DVL3: variants seen among roughly 807,000 people sequenced by gnomAD.
DVL3 encodes segment polarity protein dishevelled homolog DVL-3.
A neutral mutation model predicts 67.4 loss-of-function variants in DVL3; 27 were observed. The ratio of observed to expected loss-of-function variants is 0.40; its 90% CI spans 0.30 to 0.55. The LOEUF (loss-of-function observed/expected upper bound fraction) is 0.55, where lower values mean the gene tolerates loss of function less well. DVL3 is among the 20% of genes least tolerant of loss of function. The pLI is 0.46. For synonymous variants in DVL3, 369 were observed against 396.8 expected (o/e 0.93, Z 0.83); for missense variants, 819 against 1,021.5 (o/e 0.80, Z 2.70).
intron 1 of DVL3, among the ~76,000 whole-genome samples, chr3:184,162,594 C>G (rs1385751527): frequency 7.2e-6 from 1 of 138,394 alleles, no homozygotes; most frequent in East Asian, 2.1e-4. Flanking sequence ...GAGTCTCACT[C>G]TGTTGCCCAG....
At chr3:184,168,553 A>G (rs975757208) in intron 13 of DVL3, among the ~76,000 whole-genome samples, 9 of 151,998 alleles carry the variant, frequency 5.9e-5, no homozygotes, top group African/African-American at 1.9e-4. Context: ...GCTTTCCTCC[A>G]CCACCACTCC....
chr3:184,171,361 A>G lies in DVL3; in HGVS notation c.*606A>G. 2.0e-6 allele frequency: 2 copies of G among 1,001,950 alleles called. No individual in the cohort carries two copies. The highest frequency in any genetic ancestry group is 2.4e-6 in the Non-Finnish European group (2 of 841,096). The allele number at this position is 1,001,950 out of a possible 1,614,324, so 62.1% of individuals were successfully genotyped here. A position where few individuals can be genotyped will look rare whatever the true frequency, so the allele number is the denominator to read the frequency against. On this transcript the variant is annotated 3_prime_UTR_variant, in exon 15 of 15. Coordinates refer to ENST00000313143, the MANE Select transcript of DVL3 (RefSeq NM_004423.4). ...TGCCATCCCTGCCTGTGCCTAGATC[A>G]GAGGCCCAGAGGGCCCCCTCAGTTG...
In DVL3 at chr3:184,164,469, C is replaced by T. The variant is rs1714493764; in HGVS notation, c.354-23C>T. ...AGGGAGCCCCCAGCCTGCCCCCTCC[C>T]CCATCAAGTCTCTTCCCTGCAGCCC... On this transcript the variant is annotated intron_variant, in intron 3 of 14. Transcript: ENST00000313143. The surrounding 1 kb of genome is among the most constrained non-coding windows in gnomAD (Gnocchi z 5.3). 6.2e-7 allele frequency: 1 copy of T among 1,600,778 alleles called. No individual in the cohort carries two copies. Among genetic ancestry groups the T allele is most frequent in the Middle Eastern group, 1.7e-4 (1 of 5,976 alleles).
rs1221482879 is a variant in DVL3 at position 184,170,924 on chromosome 3, C to A, written c.*169C>A. On this transcript the variant is annotated 3_prime_UTR_variant, in exon 15 of 15. Coordinates refer to ENST00000313143, the MANE Select transcript of DVL3 (RefSeq NM_004423.4). This position sits in a 1 kb window ranked among gnomAD's most constrained non-coding sequence, Gnocchi z 6.5. Reference sequence around the variant, plus strand: ...TGCTGCGAGGGTGGGGTGCACCTACCGATTGGCTCTGCAGCCCCCTAACCT... The same window carrying A: ...TGCTGCGAGGGTGGGGTGCACCTACAGATTGGCTCTGCAGCCCCCTAACCT... 6.5e-7 allele frequency: 1 copy of A among 1,540,752 alleles called. No homozygotes were observed. Among genetic ancestry groups the A allele is most frequent in the Non-Finnish European group, 8.7e-7 (1 of 1,145,126 alleles).
In DVL3 at chr3:184,167,457, A is replaced by G; in HGVS notation, c.1199-123A>G. 1 of 940,810 alleles carries G rather than the reference A, an allele frequency of 1.1e-6. No homozygotes were observed. The allele number at this position is 940,810 out of a possible 1,614,324, so 58.3% of individuals were successfully genotyped here. On this transcript the variant is annotated intron_variant, in intron 11 of 14. Coordinates refer to ENST00000313143, the MANE Select transcript of DVL3 (RefSeq NM_004423.4). This position sits in a 1 kb window ranked among gnomAD's most constrained non-coding sequence, Gnocchi z 4.6. ...TACAGAAGGGGAAACTGAGTGTCCA[A>G]GAAATCAGTAATTTTCCCAGCATTG...
At chr3:184,161,552 A>T (rs1368846469) in intron 1 of DVL3, among the ~76,000 whole-genome samples, 2 of 151,668 alleles carry the variant, frequency 1.3e-5, no homozygotes, top group Non-Finnish European at 1.5e-5. Flanking sequence ...CCATCTCTGT[A>T]CTCCTGGCAT....
chr3:184,156,437 C>T (rs927208294), intron 1 of DVL3: 1 of 456,754 alleles, frequency 2.2e-6, no homozygotes. Flanking sequence ...GAGTAGTCCT[C>T]ACTGACCCAG....
At position 184,164,127 on chromosome 3, in the gene DVL3, A is replaced by C; in HGVS notation, c.232-140A>C. On this transcript the variant is annotated intron_variant, in intron 2 of 14. Coordinates refer to ENST00000313143, the MANE Select transcript of DVL3 (RefSeq NM_004423.4). The surrounding 1 kb of genome is among the most constrained non-coding windows in gnomAD (Gnocchi z 5.3). ...AGAGGGGCCACTGTTCATCTCAGCCACCCTCGCACAGCCCTGTCTTTTCTC... is the reference window on the plus strand; with the variant it reads ...AGAGGGGCCACTGTTCATCTCAGCCCCCCTCGCACAGCCCTGTCTTTTCTC... 9.5e-7 allele frequency: 1 copy of C among 1,050,182 alleles called. No individual in the cohort carries two copies. The highest frequency in any genetic ancestry group is 1.4e-6 in the Non-Finnish European group (1 of 710,940). 65.1% of individuals were successfully genotyped at this position (1,050,182 alleles called of 1,614,324 possible).
At position 184,170,884 on chromosome 3, in the gene DVL3, T is replaced by A; in HGVS notation, c.*129T>A. On this transcript the variant is annotated 3_prime_UTR_variant, in exon 15 of 15. Coordinates refer to ENST00000313143, the MANE Select transcript of DVL3 (RefSeq NM_004423.4). The surrounding 1 kb of genome is among the most constrained non-coding windows in gnomAD (Gnocchi z 6.5). Reference sequence around the variant, plus strand: ...TAAAAGGAACTAAATCCAGGTGCGCTAACTGCTCGCAGGGTGCTGCGAGGG... The same window carrying A: ...TAAAAGGAACTAAATCCAGGTGCGCAAACTGCTCGCAGGGTGCTGCGAGGG... 1 of 1,547,916 alleles carries A rather than the reference T, an allele frequency of 6.5e-7. No individual in the cohort carries two copies. The highest frequency in any genetic ancestry group is 8.7e-7 in the Non-Finnish European group (1 of 1,146,114).
chr3:184,169,254 ATTAGT>A (rs1462179512), intron 13 of DVL3, among the ~76,000 whole-genome samples: 13 of 152,336 alleles, frequency 8.5e-5, no homozygotes, highest in Non-Finnish European at 1.2e-4. Flanking sequence ...GTCTGTTCTG[ATTAGT>A]TTAGGCTGAG....
chr3:184,162,877 G>A (rs1335028195), intron 1 of DVL3, among the ~76,000 whole-genome samples: 1 of 152,320 alleles, frequency 6.6e-6, no homozygotes, highest in Non-Finnish European at 1.5e-5. Flanking sequence ...ATGTGGTCAC[G>A]GGGCATGTAG....
Position 184,163,278 on chromosome 3 carries a change from T to C in DVL3, c.162-379T>C, listed in dbSNP as rs1198027244. Among the ~76,000 whole-genome samples the C allele has an allele frequency of 6.6e-6, 1 of 152,204 alleles. No homozygotes were observed. The highest frequency in any genetic ancestry group is 1.5e-5 in the Non-Finnish European group (1 of 68,036). ...CCACTTAAGAAAGGAAGGACAGTTATAATTGTATGCTTTTTTCCAATTAGG... is the reference window on the plus strand; with the variant it reads ...CCACTTAAGAAAGGAAGGACAGTTACAATTGTATGCTTTTTTCCAATTAGG... On this transcript the variant is annotated intron_variant, in intron 1 of 14. Coordinates refer to ENST00000313143, the MANE Select transcript of DVL3 (RefSeq NM_004423.4). This position sits in a 1 kb window ranked among gnomAD's most constrained non-coding sequence, Gnocchi z 4.5.
Position 184,170,902 on chromosome 3 carries a change from T to C in DVL3, c.*147T>C. 2 of 1,545,908 alleles carry C rather than the reference T, an allele frequency of 1.3e-6. No homozygotes were observed. The highest frequency in any genetic ancestry group is 1.7e-6 in the Non-Finnish European group (2 of 1,145,988). ...GGTGCGCTAACTGCTCGCAGGGTGC[T>C]GCGAGGGTGGGGTGCACCTACCGAT... On this transcript the variant is annotated 3_prime_UTR_variant, in exon 15 of 15. Transcript: ENST00000313143. The surrounding 1 kb of genome is among the most constrained non-coding windows in gnomAD (Gnocchi z 6.5).
chr3:184,169,871 G>A, intron 13 of DVL3, 135 bp from the exon 14 acceptor site: 2 of 777,626 alleles, frequency 2.6e-6, no homozygotes. Context: ...TGCAGAAGGG[G>A]GGAGCTCTCT....
intron 1 of DVL3, chr3:184,156,750 G>A: frequency 3.6e-6 from 1 of 280,888 alleles, no homozygotes; most frequent in Admixed American, 4.7e-5. Context: ...ACTCCCAGGA[G>A]ACTGGGGGAG....
intron 1 of DVL3, among the ~76,000 whole-genome samples, chr3:184,158,329 T>C (rs1375392505): frequency 1.3e-5 from 2 of 149,634 alleles, no homozygotes; most frequent in African/African-American, 5.0e-5. Flanking sequence ...TGGGACCGTG[T>C]TTCAGAAAAA....
chr3:184,171,875 C>A lies in DVL3; in HGVS notation c.*1120C>A. 1 of 153,450 alleles carries A rather than the reference C, an allele frequency of 6.5e-6. No homozygotes were observed. Among genetic ancestry groups the A allele is most frequent in the Non-Finnish European group, 1.5e-5 (1 of 68,380 alleles). The allele number at this position is 153,450 out of a possible 1,614,324, so 9.5% of individuals were successfully genotyped here. Reference sequence around the variant, plus strand: ...TCTCACTCATGTATGCATACATGCACAGAGATGCATACACAGGTGCCTATG... The same window carrying A: ...TCTCACTCATGTATGCATACATGCAAAGAGATGCATACACAGGTGCCTATG... On this transcript the variant is annotated 3_prime_UTR_variant, in exon 15 of 15. Coordinates refer to ENST00000313143, the MANE Select transcript of DVL3 (RefSeq NM_004423.4).
rs745394194 is a variant in DVL3 at position 184,164,645 on chromosome 3, C to T, written c.463+44C>T. 4 of 1,550,906 alleles carry T rather than the reference C, an allele frequency of 2.6e-6. No individual in the cohort carries two copies. The highest frequency in any genetic ancestry group is 1.2e-5 in the South Asian group (1 of 81,016). Reference sequence around the variant, plus strand: ...GGACACTGTCCGCACCTCACACCCTCCCCTCACTTTCCACCCAGCTACCCA... The same window carrying T: ...GGACACTGTCCGCACCTCACACCCTTCCCTCACTTTCCACCCAGCTACCCA... On this transcript the variant is annotated intron_variant, in intron 4 of 14. Coordinates refer to ENST00000313143, the MANE Select transcript of DVL3 (RefSeq NM_004423.4). The surrounding 1 kb of genome is among the most constrained non-coding windows in gnomAD (Gnocchi z 5.3).
In DVL3 at chr3:184,172,579, CA is replaced by C. The variant is rs1226631580; in HGVS notation, c.*1829del. ...CAAAACCCTGTCTCTACTAAAAATA[CA>C]AAAATTAGATGGGTGTTTTGGCACC... is the stretch of plus-strand genomic sequence containing the variant. On this transcript the variant is annotated 3_prime_UTR_variant, in exon 15 of 15. Coordinates refer to ENST00000313143, the MANE Select transcript of DVL3 (RefSeq NM_004423.4). 2.0e-5 allele frequency: 3 copies of C among 152,094 alleles called. No homozygotes were observed. The highest frequency in any genetic ancestry group is 6.5e-5 in the Admixed American group (1 of 15,270). 9.4% of individuals were successfully genotyped at this position (152,094 alleles called of 1,614,324 possible).
Sources: gnomAD v4.1 joint callset for allele counts (sites outside exome capture counted in the v4.1 genomes callset) on GRCh38, gnomAD v4.1.1 for gene constraint, Gnocchi (gnomAD v3.1) non-coding constraint, MANE v1.5 for transcripts, NCBI Gene and HGNC (gene_info 2026-07-23, HGNC 2026-07-21) for gene names.